The following TAF2 variants were observed in gnomAD, a reference collection of about 807,000 sequenced individuals.
The protein encoded by TAF2 is transcription initiation factor TFIID subunit 2.
TAF2 carries 61 observed loss-of-function variants against 138.5 expected under a neutral mutation model. The ratio of observed to expected loss-of-function variants is 0.44; its 90% CI spans 0.36 to 0.54. The LOEUF is 0.54. Among genes scored for constraint, TAF2 ranks in the 20% least tolerant of loss-of-function variants. TAF2 has a pLI of 0.00. For synonymous variants in TAF2, 475 were observed against 469.9 expected, an observed-to-expected ratio of 1.01 and a Z score of -0.14; for missense variants, 1,090 against 1,427.9, an observed-to-expected ratio of 0.76 and a Z score of 3.81.
At chr8:119,760,015 T>C (rs1178324184) in intron 20 of TAF2, among the ~76,000 whole-genome samples, 1 of 147,336 alleles carries the variant, frequency 6.8e-6, no homozygotes, top group Non-Finnish European at 1.5e-5. Context: ...CTACTGTAGG[T>C]CTGCTTCATT....
chr8:119,823,449 G>A (rs1825912027), intron 2 of TAF2, among the ~76,000 whole-genome samples: 1 of 152,046 alleles, frequency 6.6e-6, no homozygotes, highest in African/African-American at 2.4e-5. Flanking sequence ...GAAATCTGAT[G>A]GTTTGAAAAA....
chr8:119,827,211 G>C (rs1271468307), intron 2 of TAF2, among the ~76,000 whole-genome samples: 6 of 152,022 alleles, frequency 3.9e-5, no homozygotes, highest in Non-Finnish European at 8.8e-5. Context: ...GGTTTTCCCT[G>C]GTTTCTACAG....
chr8:119,745,522 T>C (rs1319043025), intron 23 of TAF2, among the ~76,000 whole-genome samples: 2 of 152,156 alleles, frequency 1.3e-5, no homozygotes, highest in African/African-American at 4.8e-5. Flanking sequence ...AAATTTAAAA[T>C]GAACTATTAC....
intron 17 of TAF2, among the ~76,000 whole-genome samples, chr8:119,779,107 A>G (rs1003170214): frequency 2.6e-5 from 4 of 152,148 alleles, no homozygotes; most frequent in African/African-American, 9.7e-5. Context: ...TTGAGACTCA[A>G]GTTTCATTTA....
intron 18 of TAF2, among the ~76,000 whole-genome samples, chr8:119,773,350 T>C (rs952195419): frequency 1.3e-5 from 2 of 151,598 alleles, no homozygotes; most frequent in Non-Finnish European, 2.9e-5. Flanking sequence ...TGATATACTT[T>C]CCATAACTTT....
intron 22 of TAF2, among the ~76,000 whole-genome samples, chr8:119,754,651 C>A (rs1042270653): frequency 6.6e-6 from 1 of 151,620 alleles, no homozygotes; most frequent in Non-Finnish European, 1.5e-5. Context: ...CCATTGCACT[C>A]CAGCCTGGGT....
intron 19 of TAF2, among the ~76,000 whole-genome samples, chr8:119,761,971 T>C (rs2131061062): frequency 6.6e-6 from 1 of 152,312 alleles, no homozygotes; most frequent in East Asian, 1.9e-4. Context: ...AAATTGTTTA[T>C]GTTTGAATCA....
Position 119,803,917 on chromosome 8 carries a change from C to T in TAF2, c.521G>A (p.Gly174Asp), listed in dbSNP as rs1824438576. ...PSVEGSMAER[G>D]AHVFSCGYQN... ...ATACCCACAAGAGAAAACATGAGCA[C>T]CTCTCTCTGCCATACTTCCCTCTAC... is the stretch of plus-strand genomic sequence containing the variant. Residue 174 changes from glycine to aspartate, a missense_variant, in exon 5 of 26, where the codon GGT becomes GAT. Transcript: ENST00000378164. 2 of 1,613,870 alleles carry T rather than the reference C, an allele frequency of 1.2e-6. No individual in the cohort carries two copies. The highest frequency in any genetic ancestry group is 1.7e-6 in the Non-Finnish European group (2 of 1,179,916).
At chr8:119,740,832 T>TAA (rs1237978131) in intron 25 of TAF2, among the ~76,000 whole-genome samples, 2 of 152,190 alleles carry the variant, frequency 1.3e-5, no homozygotes, top group Non-Finnish European at 2.9e-5. Context: ...TGTTGAATTT[T>TAA]AAGACTTGCT....
intron 3 of TAF2, among the ~76,000 whole-genome samples, chr8:119,818,533 C>T (rs1586533840): frequency 6.6e-6 from 1 of 151,630 alleles, no homozygotes; most frequent in Non-Finnish European, 1.5e-5. Context: ...CACTAGGGCA[C>T]AATCAGGTAA....
intron 4 of TAF2, among the ~76,000 whole-genome samples, chr8:119,804,817 G>A (rs1824507982): frequency 1.3e-5 from 2 of 152,038 alleles, no homozygotes; most frequent in African/African-American, 4.8e-5. Context: ...GGAGTACAAG[G>A]ATGAGAGGTA....
Position 119,819,192 on chromosome 8 carries a change from A to G in TAF2, c.299+154T>C, listed in dbSNP as rs1032666370. Among the ~76,000 whole-genome samples the G allele has an allele frequency of 5.3e-5, 8 of 152,180 alleles. No individual in the cohort carries two copies. In the East Asian group the frequency reaches 1.3e-3, roughly 26 times the overall value. On this transcript the variant is annotated intron_variant, in intron 3 of 25. Transcript: ENST00000378164. ...TGGGCACAGCTAGCAAAATCACTTG[A>G]ACCAAATGTACAGAGTGGTAAAACA...
chr8:119,815,293 G>A (rs1257483423), intron 3 of TAF2, among the ~76,000 whole-genome samples: 1 of 141,374 alleles, frequency 7.1e-6, no homozygotes, highest in Non-Finnish European at 1.5e-5. Flanking sequence ...TTTTTTTTTT[G>A]AGAGGGAGTC....
chr8:119,787,381 AAAAC>A lies in TAF2; in HGVS notation c.1793+953_1793+956del, dbSNP rs559704462. On this transcript the variant is annotated intron_variant, in intron 14 of 25. Transcript: ENST00000378164. ...AATAATAAAATAAAAAACAAAAACA[AAAAC>A]AAACAAACAAAAAAAAACCCAACCC... is the stretch of plus-strand genomic sequence containing the variant. Among the ~76,000 whole-genome samples the A allele has an allele frequency of 5.9e-4, 90 of 152,024 alleles. 1 individual carries two copies. The highest frequency in any genetic ancestry group is 8.2e-4 in the African/African-American group (34 of 41,438).
chr8:119,803,342 AGAT>A (rs1045009603), intron 5 of TAF2, among the ~76,000 whole-genome samples: 1 of 152,196 alleles, frequency 6.6e-6, no homozygotes, highest in Non-Finnish European at 1.5e-5. Context: ...GAATCAAGTG[AGAT>A]GATTATTTTA....
chr8:119,798,708 TAA>T (rs536623046), intron 6 of TAF2, among the ~76,000 whole-genome samples: 7 of 152,186 alleles, frequency 4.6e-5, no homozygotes, highest in Non-Finnish European at 1.0e-4. Flanking sequence ...AAAGCCATGC[TAA>T]AGAGTTCTAA....
At position 119,832,539 on chromosome 8, in the gene TAF2, G is replaced by C. The variant is rs1826530717; in HGVS notation, c.26C>G (p.Ala9Gly). 4 of 1,608,412 alleles carry C rather than the reference G, an allele frequency of 2.5e-6. No homozygotes were observed. The highest frequency in any genetic ancestry group is 1.7e-5 in the Admixed American group (1 of 59,610). The change falls in exon 1 of 26, where the codon GCC becomes GGC. Residue 9 changes from alanine (A) to glycine (G), a missense_variant. Physicochemically the swap from Ala to Gly is moderately conservative, Grantham distance 60. Around this residue, in one of 3 missense-constraint regions of TAF2, gnomAD observed 504 missense variants for 680.9 expected, o/e 0.74. Coordinates refer to ENST00000378164, the MANE Select transcript of TAF2 (RefSeq NM_003184.4). MPLTGVEP[A>G]RMNRKKGDKG... The stretch of plus-strand genomic sequence containing the variant: ...GTCTCCTTTCTTCCTGTTCATTCTG[G>C]CGGGCTCTACACCAGTCAGCGGCAT...
At chr8:119,832,331 T>TGCTGAA in intron 1 of TAF2, 151 bp downstream of exon 1, 2 of 717,626 alleles carry the variant, frequency 2.8e-6, no homozygotes, top group Admixed American at 5.2e-5. Flanking sequence ...TCAAAACATT[T>TGCTGAA]TTACCTTACA....
At position 119,756,062 on chromosome 8, in the gene TAF2, T is replaced by C; in HGVS notation, c.2822A>G (p.Glu941Gly). The C allele has an allele frequency of 6.2e-7, 1 of 1,613,724 alleles. No individual in the cohort carries two copies. Among genetic ancestry groups the C allele is most frequent in the Non-Finnish European group, 8.5e-7 (1 of 1,179,826 alleles). The change falls in exon 22 of 26, where the codon GAG becomes GGG. Residue 941 changes from glutamate (E) to glycine (G), a missense_variant. By Grantham distance (98) the Glu-to-Gly change is moderately conservative. This residue lies in a region of TAF2 where 580 missense variants were observed against 719.6 expected (regional missense o/e 0.81). Coordinates refer to ENST00000378164, the MANE Select transcript of TAF2 (RefSeq NM_003184.4). The part of the protein sequence containing the change: ...TKNPPFTKNM[E>G]SPLCNEALVD... The stretch of plus-strand genomic sequence containing the variant: ...CAGGGCTTCATTGCATAAGGGAGAC[T>C]CCATGTTCTTAGTAAATGGTGGGTT...
Sources: allele counts gnomAD v4.1 joint callset (sites outside exome capture counted in the v4.1 genomes callset), GRCh38; gene constraint gnomAD v4.1.1; regional missense constraint gnomAD v4.1.1; transcripts MANE v1.5; gene names NCBI Gene and HGNC (gene_info 2026-07-23, HGNC 2026-07-21).